The following DOCK2 variants were observed in gnomAD, a reference collection of about 807,000 sequenced individuals.
DOCK2 encodes the protein dedicator of cytokinesis 2, also known as dedicator of cytokinesis protein 2.
DOCK2 carries 87 observed loss-of-function variants against 248.9 expected under a neutral mutation model. The ratio of observed to expected loss-of-function variants is 0.35; its 90% CI spans 0.29 to 0.42. The LOEUF is 0.42. DOCK2 is among the 10% of genes least tolerant of loss of function. The pLI, the probability that DOCK2 is intolerant of heterozygous loss-of-function variation, is 1.00. For synonymous variants in DOCK2, 805 were observed against 821.6 expected, an observed-to-expected ratio of 0.98 and a Z score of 0.35; for missense variants, 1,747 against 2,300.2, an observed-to-expected ratio of 0.76 and a Z score of 4.92.
chr5:169,670,423 C>G (rs1561584586), intron 3 of DOCK2, 119 bp from the exon 4 acceptor site: 2 of 1,153,154 alleles, frequency 1.7e-6, no homozygotes, highest in Non-Finnish European at 2.4e-6. Context: ...CCTTTAAAGT[C>G]TGGGGATTTT....
At chr5:169,724,925 G>T (rs1274926641) in intron 22 of DOCK2, among the ~76,000 whole-genome samples, 5 of 152,126 alleles carry the variant, frequency 3.3e-5, no homozygotes, top group Non-Finnish European at 7.4e-5. Flanking sequence ...AAAGCTCAGG[G>T]CAAGTCAGTG....
chr5:169,895,869 A>G (rs1323817012), intron 27 of DOCK2, among the ~76,000 whole-genome samples: 1 of 152,170 alleles, frequency 6.6e-6, no homozygotes, highest in Non-Finnish European at 1.5e-5. Context: ...TAGATATAGT[A>G]AGAATCAGCC....
At chr5:169,875,407 G>A (rs191526111) in intron 27 of DOCK2, 12 of 420,698 alleles carry the variant, frequency 2.9e-5, no homozygotes, top group African/African-American at 6.1e-5. Context: ...CCCTCACGAT[G>A]CCCTTGGCTG....
chr5:169,886,109 T>C (rs1346900054), intron 27 of DOCK2, among the ~76,000 whole-genome samples: 1 of 152,154 alleles, frequency 6.6e-6, no homozygotes, highest in African/African-American at 2.4e-5. Flanking sequence ...TGCATCTCTC[T>C]TTATAAAGAA....
chr5:169,906,320 C>T (rs1020095534), intron 27 of DOCK2, among the ~76,000 whole-genome samples: 1 of 152,034 alleles, frequency 6.6e-6, no homozygotes, highest in African/African-American at 2.4e-5. Flanking sequence ...CAAAGGCTCC[C>T]AAGCCAGTGT....
chr5:169,840,192 G>A (rs1013677745), intron 26 of DOCK2, among the ~76,000 whole-genome samples: 6 of 152,166 alleles, frequency 3.9e-5, no homozygotes, highest in South Asian at 2.1e-4. Context: ...ACGAGCAGGC[G>A]TCTTCACGTA....
At chr5:170,012,623 A>G (rs2113814290) in intron 32 of DOCK2, among the ~76,000 whole-genome samples, 1 of 152,314 alleles carries the variant, frequency 6.6e-6, no homozygotes, top group South Asian at 2.1e-4. Context: ...CATGGGGAGA[A>G]AGACAACATG....
At position 169,988,062 on chromosome 5, in the gene DOCK2, C is replaced by T. The variant is rs372405489; in HGVS notation, c.2993+2140C>T. 1.3e-3 allele frequency among the ~76,000 whole-genome samples: 199 copies of T among 152,220 alleles called. 2 individuals are homozygous for T. Among genetic ancestry groups the T allele is most frequent in the Middle Eastern group, 0.01 (3 of 294 alleles). ...TCAAGGAAAATATCAATAATAATAG[C>T]GTTGCCATCACTAGGTGATGACAAC... is the stretch of plus-strand genomic sequence containing the variant. On this transcript the variant is annotated intron_variant, in intron 29 of 51. Coordinates refer to ENST00000520908, the MANE Select transcript of DOCK2 (RefSeq NM_004946.3).
At chr5:170,073,172 T>G (rs1322896541) in intron 46 of DOCK2, among the ~76,000 whole-genome samples, 1 of 152,250 alleles carries the variant, frequency 6.6e-6, no homozygotes, top group Non-Finnish European at 1.5e-5. Context: ...TTTTGACTGA[T>G]GTAAAGTAAG....
intron 48 of DOCK2, 60 bp from the exon 49 acceptor site, chr5:170,078,915 C>T (rs1392159132): frequency 1.9e-6 from 3 of 1,593,208 alleles, no homozygotes; most frequent in East Asian, 2.2e-5. Context: ...TGGGTCCTTG[C>T]AAGGCAGTTC....
Position 169,698,400 on chromosome 5 carries a change from G to C in DOCK2, c.1006G>C (p.Gly336Arg). 2.5e-6 allele frequency: 4 copies of C among 1,614,028 alleles called. 1 individual carries two copies. The South Asian group carries it at 4.4e-5, about 18-fold the overall frequency. The change falls in exon 11 of 52, where the codon GGG becomes CGG. Residue 336 changes from glycine (G) to arginine (R), a missense_variant. Transcript: ENST00000520908. ...AVMDITDIIK[G>R]KAESDEEKQH... ...TATGGATATAACAGACATCATCAAGGGGAAAGCAGAGAGTGATGAAGAAAA... is the reference window on the plus strand; with the variant it reads ...TATGGATATAACAGACATCATCAAGCGGAAAGCAGAGAGTGATGAAGAAAA...
chr5:169,982,077 T>C (rs111712929), intron 27 of DOCK2, among the ~76,000 whole-genome samples: 12 of 152,156 alleles, frequency 7.9e-5, no homozygotes, highest in African/African-American at 2.9e-4. Flanking sequence ...GCTTTTTTTT[T>C]TTTTTTTGGT....
At chr5:170,041,193 G>T in intron 37 of DOCK2, 48 bp downstream of exon 37, 1 of 1,497,624 alleles carries the variant, frequency 6.7e-7, no homozygotes, top group Non-Finnish European at 9.3e-7. Context: ...TCCTGACAGG[G>T]CCTCACAGCA....
At chr5:169,748,657 T>G (rs1763744100) in intron 23 of DOCK2, among the ~76,000 whole-genome samples, 1 of 152,224 alleles carries the variant, frequency 6.6e-6, no homozygotes, top group African/African-American at 2.4e-5. Context: ...TTTCTTGATC[T>G]AACTGAATAA....
chr5:169,918,220 C>T (rs188996883), intron 27 of DOCK2, among the ~76,000 whole-genome samples: 200 of 152,298 alleles, frequency 1.3e-3, no homozygotes, highest in African/African-American at 4.6e-3. Flanking sequence ...ACTGCACATC[C>T]TGTTTTGTCT....
chr5:169,879,991 T>C (rs1466890712), intron 27 of DOCK2, among the ~76,000 whole-genome samples: 1 of 152,250 alleles, frequency 6.6e-6, no homozygotes, highest in Non-Finnish European at 1.5e-5. Context: ...TTATGATGAA[T>C]AGTTTTGTCC....
chr5:169,911,246 A>G (rs963046462), intron 27 of DOCK2, among the ~76,000 whole-genome samples: 2 of 152,340 alleles, frequency 1.3e-5, no homozygotes, highest in Middle Eastern at 6.8e-3. Flanking sequence ...AAGGATGATC[A>G]TTATTAGAGT....
chr5:170,008,484 C>T lies in DOCK2; in HGVS notation c.3073-13C>T. ...ACCCTCTCCATAACTGTTCTCTGCT[C>T]TTTCATTTACAGCTGTGGAACAACT... is the stretch of plus-strand genomic sequence containing the variant. On this transcript the variant is annotated splice_polypyrimidine_tract_variant and intron_variant, in intron 30 of 51. Coordinates refer to ENST00000520908, the MANE Select transcript of DOCK2 (RefSeq NM_004946.3). 6.2e-7 allele frequency: 1 copy of T among 1,613,952 alleles called. No homozygotes were observed. Among genetic ancestry groups the T allele is most frequent in the Non-Finnish European group, 8.5e-7 (1 of 1,179,852 alleles).
intron 22 of DOCK2, among the ~76,000 whole-genome samples, chr5:169,739,858 G>A (rs1486991752): frequency 1.3e-5 from 2 of 152,176 alleles, no homozygotes; most frequent in African/African-American, 2.4e-5. Context: ...TCAAGTAGAT[G>A]ATGTAATCTA....
Sources: allele counts gnomAD v4.1 joint callset (sites outside exome capture counted in the v4.1 genomes callset), GRCh38; gene constraint gnomAD v4.1.1; transcripts MANE v1.5; gene names NCBI Gene and HGNC (gene_info 2026-07-23, HGNC 2026-07-21).